C11orf52: variants seen among roughly 807,000 people sequenced by gnomAD.
C11orf52 encodes the protein chromosome 11 open reading frame 52, also known as uncharacterized protein C11orf52.
C11orf52 carries 9 observed loss-of-function variants against 11.7 expected under a neutral mutation model. The ratio of observed to expected loss-of-function variants is 0.77; its 90% CI spans 0.46 to 1.34. The LOEUF (loss-of-function observed/expected upper bound fraction) is 1.34, where lower values mean the gene tolerates loss of function less well. Among genes scored for constraint, C11orf52 ranks in the 40% most tolerant of loss-of-function variants. C11orf52 has a pLI of 0.00. For missense variants in C11orf52, 139 were observed against 154.8 expected (o/e 0.90, Z 0.54); for synonymous variants, 49 against 57.4 (o/e 0.85, Z 0.66).
Position 111,925,764 on chromosome 11 carries a change from C to G in C11orf52, c.132+50C>G. On this transcript the variant is annotated intron_variant, in intron 3 of 3. Transcript: ENST00000278601. ...TCTGGGGCTGCTCGGACATGGGATC[C>G]CAGTAGTCAGCTCTTTTGCACTGCA... 4.4e-6 allele frequency: 7 copies of G among 1,604,152 alleles called. No individual in the cohort carries two copies. In the South Asian group the frequency reaches 6.6e-5, roughly 15 times the overall value.
rs201067931 is a variant in C11orf52 at position 111,925,975 on chromosome 11, G to A, written c.148G>A (p.Gly50Arg). 1.7e-5 allele frequency: 27 copies of A among 1,614,120 alleles called. 1 individual carries two copies. The highest frequency in any genetic ancestry group is 1.8e-5 in the Non-Finnish European group (21 of 1,180,056). Residue 50 changes from glycine (G) to arginine (R), a missense_variant, in exon 4 of 4, where the codon GGA (glycine) becomes AGA (arginine). Physicochemically the swap from Gly to Arg is moderately radical, Grantham distance 125. Coordinates refer to ENST00000278601, the MANE Select transcript of C11orf52 (RefSeq NM_080659.3). ...TTCCTCGCAGGGCCATGAAACAACA[G>A]GACATACGTATGAACGGGTGTTACA... ...QNLPKGHETT[G>R]HTYERVLQQQ...
intron 1 of C11orf52, among the ~76,000 whole-genome samples, chr11:111,922,710 C>T (rs1183638350): frequency 6.6e-6 from 1 of 152,084 alleles, no homozygotes; most frequent in Non-Finnish European, 1.5e-5. Flanking sequence ...AATCATGGAC[C>T]TTCAGAGTAT....
At chr11:111,925,760 G>A in intron 3 of C11orf52, 46 bp downstream of exon 3, 1 of 1,605,974 alleles carries the variant, frequency 6.2e-7, no homozygotes, top group Non-Finnish European at 8.5e-7. Flanking sequence ...TCGGACATGG[G>A]ATCCCAGTAG....
At chr11:111,923,503 T>C (rs1424634758) in intron 1 of C11orf52, among the ~76,000 whole-genome samples, 1 of 152,144 alleles carries the variant, frequency 6.6e-6, no homozygotes, top group Non-Finnish European at 1.5e-5. Flanking sequence ...GAGTTGGAAA[T>C]GTACTAGCAA....
At chr11:111,925,583 A>G (rs193038754) in intron 2 of C11orf52, 70 bp from the exon 3 acceptor site, 1 of 1,483,508 alleles carries the variant, frequency 6.7e-7, no homozygotes, top group Non-Finnish European at 9.4e-7. Flanking sequence ...TTTAATAGTG[A>G]TTTGAAGAAG....
intron 1 of C11orf52, among the ~76,000 whole-genome samples, chr11:111,920,579 C>T (rs190312767): frequency 6.6e-6 from 1 of 150,802 alleles, no homozygotes; most frequent in Admixed American, 6.6e-5. Flanking sequence ...GCCTGGGCAA[C>T]ATAGGGTGGC....
At chr11:111,919,655 T>A (rs1013669405) in intron 1 of C11orf52, among the ~76,000 whole-genome samples, 4 of 152,224 alleles carry the variant, frequency 2.6e-5, no homozygotes, top group Admixed American at 6.5e-5. Context: ...GCCAGACATT[T>A]TACAGTCTCA....
chr11:111,924,921 T>C (rs1555166798), intron 2 of C11orf52, among the ~76,000 whole-genome samples: 3 of 152,066 alleles, frequency 2.0e-5, no homozygotes, highest in Non-Finnish European at 4.4e-5. Context: ...ATCAGGAGTT[T>C]GGGACCAGCC....
chr11:111,924,324 A>G lies in C11orf52; in HGVS notation c.33-2A>G, dbSNP rs1965750723. The G allele has an allele frequency of 1.2e-6, 2 of 1,613,354 alleles. No individual in the cohort carries two copies. Among genetic ancestry groups the G allele is most frequent in the Non-Finnish European group, 1.7e-6 (2 of 1,179,656 alleles). On this transcript the variant is annotated splice_acceptor_variant, in intron 1 of 3. Coordinates refer to ENST00000278601, the MANE Select transcript of C11orf52 (RefSeq NM_080659.3). LOFTEE classifies it high-confidence loss of function. ...ATGGGTGATCTGTTTTTCCTATTAC[A>G]GGAGCTGCCCATCAACTTTCCAGAA...
Position 111,926,340 on chromosome 11 carries a change from G to A in C11orf52, c.*141G>A. 7.5e-7 allele frequency: 1 copy of A among 1,334,990 alleles called. No homozygotes were observed. The highest frequency in any genetic ancestry group is 1.0e-6 in the Non-Finnish European group (1 of 986,154). The allele number at this position is 1,334,990 out of a possible 1,614,324, so 82.7% of individuals were successfully genotyped here. On this transcript the variant is annotated 3_prime_UTR_variant, in exon 4 of 4. Transcript: ENST00000278601. ...AACTCCAAAGCCCCTGGAATTGTGG[G>A]CGTCCCATTTTCTCCCCTGGCCTCT...
chr11:111,922,747 G>T (rs1291713947), intron 1 of C11orf52, among the ~76,000 whole-genome samples: 2 of 152,058 alleles, frequency 1.3e-5, no homozygotes, highest in East Asian at 3.8e-4. Flanking sequence ...TTTAAATAAT[G>T]TTATAATGAA....
intron 1 of C11orf52, among the ~76,000 whole-genome samples, chr11:111,920,635 G>A (rs763135649): frequency 5.9e-5 from 9 of 151,920 alleles, no homozygotes; most frequent in Non-Finnish European, 1.3e-4. Context: ...GTGGTGGTGC[G>A]TGCTTGTAAT....
chr11:111,919,094 T>C, intron 1 of C11orf52, 90 bp downstream of exon 1: 3 of 1,457,316 alleles, frequency 2.1e-6, no homozygotes, highest in Non-Finnish European at 2.8e-6. Flanking sequence ...GATAGTTGTC[T>C]GCCAGCCTCC....
At chr11:111,919,146 C>A in intron 1 of C11orf52, 142 bp downstream of exon 1, 1 of 923,422 alleles carries the variant, frequency 1.1e-6, no homozygotes. Flanking sequence ...TGTTCCAACA[C>A]CAGAGCAGCA....
Position 111,924,441 on chromosome 11 carries a change from C to A in C11orf52, c.70+78C>A, listed in dbSNP as rs191874265. 7.6e-5 allele frequency: 96 copies of A among 1,269,824 alleles called. No homozygotes were observed. In the African/African-American group the frequency reaches 1.3e-3, roughly 18 times the overall value. 78.7% of individuals were successfully genotyped at this position (1,269,824 alleles called of 1,614,324 possible). ...ATAGAACTCCAATCTTTGGAAAGGG[C>A]AGAAGGGTAGAAAAGGAATGAAAGG... On this transcript the variant is annotated intron_variant, in intron 2 of 3. Coordinates refer to ENST00000278601, the MANE Select transcript of C11orf52 (RefSeq NM_080659.3).
intron 3 of C11orf52, 81 bp downstream of exon 3, chr11:111,925,795 C>G (rs1377923146): frequency 3.8e-6 from 6 of 1,567,636 alleles, no homozygotes; most frequent in Non-Finnish European, 5.3e-6. Context: ...CTGCAACAGA[C>G]ACATTTCAGT....
At chr11:111,920,622 G>C (rs587629859) in intron 1 of C11orf52, among the ~76,000 whole-genome samples, 1 of 152,074 alleles carries the variant, frequency 6.6e-6, no homozygotes, top group Non-Finnish European at 1.5e-5. Context: ...AAATTAGCTA[G>C]GCGTGGTGGT....
chr11:111,925,204 A>G (rs73560045), intron 2 of C11orf52, among the ~76,000 whole-genome samples: 5,479 of 152,234 alleles, frequency 0.036, 349 homozygotes, highest in African/African-American at 0.12. Flanking sequence ...CTCATGAAAA[A>G]AAAAAAAAGA....
At chr11:111,925,575 T>A in intron 2 of C11orf52, 78 bp from the exon 3 acceptor site, 1 of 1,410,376 alleles carries the variant, frequency 7.1e-7, no homozygotes, top group Non-Finnish European at 1.0e-6. Context: ...GTTAATAGTT[T>A]AATAGTGATT....
Sources: gnomAD v4.1 joint callset for allele counts (sites outside exome capture counted in the v4.1 genomes callset) on GRCh38, gnomAD v4.1.1 for gene constraint, MANE v1.5 for transcripts, NCBI Gene and HGNC (gene_info 2026-07-23, HGNC 2026-07-21) for gene names.